CTH: variants seen among roughly 807,000 people sequenced by gnomAD.
CTH encodes the protein cystathionase (cystathionine gamma-lyase).
In CTH, 41 loss-of-function variants were observed where a neutral mutation model predicts 50.6. The observed-to-expected ratio is 0.81, with a 90% CI of 0.63 to 1.05. The LOEUF (loss-of-function observed/expected upper bound fraction) is 1.05. CTH is among the 50% of genes least tolerant of loss of function. The pLI is 0.00. For synonymous variants in CTH, 156 were observed against 168.9 expected (o/e 0.92, Z 0.59); for missense variants, 470 against 492.6 (o/e 0.95, Z 0.43).
chr1:70,420,829 G>A (rs1011729539), intron 3 of CTH, among the ~76,000 whole-genome samples: 6 of 151,942 alleles, frequency 3.9e-5, no homozygotes, highest in African/African-American at 1.2e-4. Context: ...CCTGAAAATT[G>A]TTGATTTTAA....
At chr1:70,427,649 A>G (rs1684374166) in intron 5 of CTH, among the ~76,000 whole-genome samples, 2 of 152,172 alleles carry the variant, frequency 1.3e-5, no homozygotes, top group Non-Finnish European at 2.9e-5. Context: ...TGAGGGTGAA[A>G]TAAAAACACA....
rs149946354 is a variant in CTH, at chr1:70,424,549, C to T, written c.588+133C>T. ...AATCATAATTAATTATTTACTGGAT[C>T]GAGAATTAAATTTGGACCTCTTCTA... On this transcript the variant is annotated intron_variant, in intron 5 of 11. Coordinates refer to ENST00000370938, the MANE Select transcript of CTH (RefSeq NM_001902.6). 6.9e-6 allele frequency: 10 copies of T among 1,455,642 alleles called. No homozygotes were observed. The East Asian group carries it at 7.2e-5, about 11-fold the overall frequency. The allele number at this position is 1,455,642 out of a possible 1,614,324, so 90.2% of individuals were successfully genotyped here. A position where few individuals can be genotyped will look rare whatever the true frequency, so the allele number is the denominator to read the frequency against.
intron 2 of CTH, among the ~76,000 whole-genome samples, chr1:70,417,117 AC>A (rs1300861780): frequency 2.6e-5 from 4 of 151,618 alleles, no homozygotes; most frequent in South Asian, 2.1e-4. Flanking sequence ...AACTCCCTAA[AC>A]TTTTTTTTTT....
At chr1:70,422,306 T>C (rs1245285923) in intron 4 of CTH, among the ~76,000 whole-genome samples, 2 of 152,168 alleles carry the variant, frequency 1.3e-5, no homozygotes, top group Non-Finnish European at 2.9e-5. Context: ...GTGTTTTGTG[T>C]CTGAGTGAAT....
intron 3 of CTH, 111 bp downstream of exon 3, chr1:70,418,143 T>C (rs1203836517): frequency 2.3e-6 from 3 of 1,330,460 alleles, no homozygotes; most frequent in Non-Finnish European, 3.2e-6. Flanking sequence ...TTTATTATAG[T>C]TTACAGGTGT....
At chr1:70,428,650 C>A (rs1413062715) in intron 5 of CTH, among the ~76,000 whole-genome samples, 1 of 152,018 alleles carries the variant, frequency 6.6e-6, no homozygotes, top group Non-Finnish European at 1.5e-5. Context: ...TGCTCTGTCA[C>A]CCAGGCTGGA....
rs371059572 is a variant in CTH, at chr1:70,430,385, T to C, written c.715T>C (p.Leu239=). ...CESLHNRLRF[L]QNSLGAVPSP... is the part of the protein sequence containing the mutation. ...AAGCCTTCATAATAGACTTCGTTTCTTGCAAAACTGTAAGTATTAAAAAGT... is the reference window on the plus strand; with the variant it reads ...AAGCCTTCATAATAGACTTCGTTTCCTGCAAAACTGTAAGTATTAAAAAGT... Residue 239 remains leucine, a synonymous_variant, in exon 7 of 12, where the codon TTG becomes CTG. Transcript: ENST00000370938. The C allele has an allele frequency of 3.7e-5, 58 of 1,556,010 alleles. No individual in the cohort carries two copies. The highest frequency in any genetic ancestry group is 5.1e-5 in the Non-Finnish European group (58 of 1,127,240).
At chr1:70,416,722 C>A (rs894824758) in intron 2 of CTH, among the ~76,000 whole-genome samples, 1 of 152,084 alleles carries the variant, frequency 6.6e-6, no homozygotes, top group African/African-American at 2.4e-5. Context: ...TGCCACCACG[C>A]CCAGCTAATT....
At chr1:70,417,779 G>A (rs1026855040) in intron 2 of CTH, among the ~76,000 whole-genome samples, 158 bp from the exon 3 acceptor site, 27 of 152,162 alleles carry the variant, frequency 1.8e-4, no homozygotes, top group African/African-American at 6.0e-4. Context: ...TCTTGAAATA[G>A]AAAAGGAGAT....
intron 10 of CTH, 41 bp from the exon 11 acceptor site, chr1:70,438,647 C>T: frequency 6.2e-7 from 1 of 1,612,086 alleles, no homozygotes; most frequent in Non-Finnish European, 8.5e-7. Context: ...CCTCCACTGA[C>T]ACAATATAGT....
At chr1:70,412,707 A>C (rs959316954) in intron 1 of CTH, among the ~76,000 whole-genome samples, 2 of 152,314 alleles carry the variant, frequency 1.3e-5, no homozygotes, top group African/African-American at 4.8e-5. Context: ...TAGTTAACCT[A>C]TCAAAACCTC....
intron 2 of CTH, 141 bp downstream of exon 2, chr1:70,416,178 A>G: frequency 3.0e-6 from 2 of 656,652 alleles, no homozygotes; most frequent in South Asian, 3.4e-5. Context: ...TCTTTGCCCA[A>G]GGTCCCTCAG....
At chr1:70,434,040 T>C (rs1684542712) in intron 9 of CTH, 91 bp downstream of exon 9, 1 of 1,580,582 alleles carries the variant, frequency 6.3e-7, no homozygotes, top group Non-Finnish European at 8.6e-7. Flanking sequence ...GATAATGTTT[T>C]TGTATCTGCA....
intron 4 of CTH, among the ~76,000 whole-genome samples, chr1:70,422,098 A>T (rs1009289087): frequency 2.0e-5 from 3 of 152,234 alleles, no homozygotes; most frequent in African/African-American, 7.2e-5. Flanking sequence ...TTTTAACTGC[A>T]TAGCCAAAAG....
chr1:70,430,379 C>A lies in CTH; in HGVS notation c.709C>A (p.Arg237Ser), dbSNP rs139166171. 11 of 1,570,744 alleles carry A rather than the reference C, an allele frequency of 7.0e-6. No individual in the cohort carries two copies. In the South Asian group the frequency reaches 1.2e-4, roughly 17 times the overall value. The change falls in exon 7 of 12, where the codon CGT (arginine) becomes AGT (serine). Residue 237 changes from arginine (R) to serine (S), a missense_variant. Coordinates refer to ENST00000370938, the MANE Select transcript of CTH (RefSeq NM_001902.6). ...TTGTGAAAGCCTTCATAATAGACTT[C>A]GTTTCTTGCAAAACTGTAAGTATTA... is the stretch of plus-strand genomic sequence containing the variant. ...VNCESLHNRL[R>S]FLQNSLGAVP...
chr1:70,423,954 CTG>C (rs1419772727), intron 4 of CTH, among the ~76,000 whole-genome samples: 2 of 152,164 alleles, frequency 1.3e-5, no homozygotes, highest in Admixed American at 1.3e-4. Flanking sequence ...AGACACTGAG[CTG>C]TCTTTGGAAT....
At chr1:70,411,620 C>A in intron 1 of CTH, 37 bp downstream of exon 1, 1 of 1,599,702 alleles carries the variant, frequency 6.3e-7, no homozygotes, top group Non-Finnish European at 8.5e-7. Flanking sequence ...CACAGTTGGG[C>A]GGTAAAAGAG....
chr1:70,429,669 T>G (rs1490867026), intron 5 of CTH, 125 bp from the exon 6 acceptor site: 1 of 698,784 alleles, frequency 1.4e-6, no homozygotes, highest in East Asian at 2.7e-5. Flanking sequence ...AATTTTAAGA[T>G]GCACATACTT....
In CTH at chr1:70,413,437, AT is replaced by A. The variant is rs905548071; in HGVS notation, c.168+1862del. ...TGCCACTGCGCCTGACTCATTTTTT[AT>A]TTTTTTTAGTAGAGACGGGGTTTCA... On this transcript the variant is annotated intron_variant, in intron 1 of 11. Transcript: ENST00000370938. Among the ~76,000 whole-genome samples the A allele has an allele frequency of 4.0e-5, 6 of 150,114 alleles. No individual in the cohort carries two copies. In the East Asian group the frequency reaches 9.8e-4, roughly 25 times the overall value.
Sources: allele counts gnomAD v4.1 joint callset (sites outside exome capture counted in the v4.1 genomes callset), GRCh38; gene constraint gnomAD v4.1.1; transcripts MANE v1.5; gene names NCBI Gene and HGNC (gene_info 2026-07-23, HGNC 2026-07-21).